PLA2G4E: variants seen among roughly 807,000 people sequenced by gnomAD.
PLA2G4E encodes cytosolic phospholipase A2 epsilon.
A neutral mutation model predicts 109.1 loss-of-function variants in PLA2G4E; 84 were observed. That is an observed-to-expected ratio of 0.77 (90% CI 0.65 to 0.92). PLA2G4E has a LOEUF of 0.92. Among genes scored for constraint, PLA2G4E ranks in the 40% least tolerant of loss-of-function variants. The pLI, the probability that PLA2G4E is intolerant of heterozygous loss-of-function variation, is 0.00. For missense variants in PLA2G4E, 1,057 were observed against 1,076.6 expected, an observed-to-expected ratio of 0.98 and a Z score of 0.25; for synonymous variants, 469 against 436.1, an observed-to-expected ratio of 1.08 and a Z score of -0.94.
chr15:42,004,763 T>C (rs141190730), intron 5 of PLA2G4E, among the ~76,000 whole-genome samples, 175 bp downstream of exon 5: 196 of 152,282 alleles, frequency 1.3e-3, no homozygotes, highest in African/African-American at 4.6e-3. Flanking sequence ...GCTCCTACAC[T>C]ATGGAGAAGC....
chr15:41,995,422 C>T, exon 12 of PLA2G4E: 1 of 1,613,960 alleles, frequency 6.2e-7, no homozygotes, highest in Non-Finnish European at 8.5e-7. Context: ...GCTTCTGCAG[C>T]CCCAGCAGGT....
chr15:42,046,191 C>CA (rs1270625479), intron 1 of PLA2G4E, among the ~76,000 whole-genome samples: 1 of 152,202 alleles, frequency 6.6e-6, no homozygotes, highest in East Asian at 1.9e-4. Context: ...CTCTGGCCCC[C>CA]AGGAAATCCA....
intron 12 of PLA2G4E, among the ~76,000 whole-genome samples, chr15:41,994,011 C>T (rs1490436101): frequency 1.3e-5 from 2 of 152,118 alleles, no homozygotes; most frequent in African/African-American, 4.8e-5. Context: ...ACGCAGGTGC[C>T]CCTCAACCTG....
chr15:42,047,659 T>A (rs1181425124), intron 1 of PLA2G4E, among the ~76,000 whole-genome samples: 1 of 152,196 alleles, frequency 6.6e-6, no homozygotes, highest in East Asian at 1.9e-4. Flanking sequence ...TGTTACCCAG[T>A]GTGCACACAT....
At chr15:42,042,069 G>C (rs1322156896) in intron 1 of PLA2G4E, among the ~76,000 whole-genome samples, 1 of 152,028 alleles carries the variant, frequency 6.6e-6, no homozygotes, top group Non-Finnish European at 1.5e-5. Flanking sequence ...CATTTTCTAG[G>C]CTTTTGGGTG....
At chr15:42,038,482 T>G (rs1889256752) in intron 1 of PLA2G4E, among the ~76,000 whole-genome samples, 1 of 152,214 alleles carries the variant, frequency 6.6e-6, no homozygotes, top group Admixed American at 6.5e-5. Context: ...CATTAGATTC[T>G]CACAAGGAGC....
intron 1 of PLA2G4E, among the ~76,000 whole-genome samples, chr15:42,044,143 A>G (rs1889368010): frequency 6.6e-6 from 1 of 152,174 alleles, no homozygotes; most frequent in Non-Finnish European, 1.5e-5. Flanking sequence ...GGAAGCTTCT[A>G]GTGAAGTAGC....
intron 3 of PLA2G4E, 71 bp downstream of exon 3, chr15:42,007,658 G>A: frequency 1.3e-6 from 2 of 1,520,760 alleles, no homozygotes; most frequent in Middle Eastern, 1.7e-4. Context: ...CAGAGGCAAA[G>A]AGAAGGACAA....
chr15:41,986,901 A>G (rs1000084664), intron 17 of PLA2G4E: 2 of 481,674 alleles, frequency 4.2e-6, no homozygotes, highest in African/African-American at 3.9e-5. Context: ...CATGGGGCCA[A>G]CTTCTACCTG....
At chr15:41,983,515 A>G (rs1169976590) in exon 20 of PLA2G4E, 11 of 529,660 alleles carry the variant, frequency 2.1e-5, no homozygotes, top group Non-Finnish European at 3.4e-6. Context: ...CACCTTCTCT[A>G]TAGGGAAGCA....
At position 42,005,978 on chromosome 15, in the gene PLA2G4E, C is replaced by A; in HGVS notation, c.525+12G>T. 3 of 1,613,420 alleles carry A rather than the reference C, an allele frequency of 1.9e-6. No individual in the cohort carries two copies. The South Asian group carries it at 3.3e-5, about 18-fold the overall frequency. ...TGAAGCCGGAGTCTGAGGGCCTGTA[C>A]CCTGCACCCACCTGCGGGTTGAGTG... On this transcript the variant is annotated intron_variant, in intron 4 of 19. Coordinates refer to ENST00000399518, the Ensembl canonical transcript of PLA2G4E.
At chr15:42,045,632 T>C (rs1217569294) in intron 1 of PLA2G4E, among the ~76,000 whole-genome samples, 3 of 152,164 alleles carry the variant, frequency 2.0e-5, no homozygotes, top group Non-Finnish European at 2.9e-5. Context: ...CATGGGTTGC[T>C]TCCAGCCTCA....
Position 41,985,828 on chromosome 15 carries a change from T to C in PLA2G4E, c.2202+11A>G, listed in dbSNP as rs765275970. 12 of 1,605,658 alleles carry C rather than the reference T, an allele frequency of 7.5e-6. No homozygotes were observed. The Admixed American group carries it at 2.0e-4, about 27-fold the overall frequency. On this transcript the variant is annotated intron_variant, in intron 18 of 19. Transcript: ENST00000399518. The stretch of plus-strand genomic sequence containing the variant: ...TGCAGCCCATGCTCAGGAGGGAGGC[T>C]GCGCACTTGCCTTTGTCTGGGACCC...
chr15:42,007,135 G>A (rs556637313), intron 3 of PLA2G4E, among the ~76,000 whole-genome samples: 36 of 152,334 alleles, frequency 2.4e-4, no homozygotes, highest in African/African-American at 8.7e-4. Context: ...TGGGGCTGAT[G>A]CCACTATGAT....
chr15:42,047,500 C>T (rs574725266), intron 1 of PLA2G4E, among the ~76,000 whole-genome samples: 10 of 152,308 alleles, frequency 6.6e-5, no homozygotes, highest in South Asian at 2.1e-4. Flanking sequence ...GCCTCATGAC[C>T]GAATCCCCTC....
chr15:42,010,141 C>CCCCCG, intron 2 of PLA2G4E: 1 of 486,060 alleles, frequency 2.1e-6, no homozygotes, highest in South Asian at 1.8e-5. Flanking sequence ...GGCCCCCCCA[C>CCCCCG]CCCGGGCCTG....
chr15:42,006,230 G>A, intron 3 of PLA2G4E, 109 bp from the exon 4 acceptor site: 1 of 1,403,008 alleles, frequency 7.1e-7, no homozygotes, highest in Non-Finnish European at 9.8e-7. Flanking sequence ...TGGGGGATGG[G>A]AGACAGCCCA....
At chr15:41,982,125 C>T (rs901148954) in exon 20 of PLA2G4E, 11 of 152,182 alleles carry the variant, frequency 7.2e-5, no homozygotes, top group Admixed American at 5.9e-4. Flanking sequence ...CTTTTGGTAC[C>T]TGTCACCACT....
chr15:42,045,060 G>A lies in PLA2G4E; in HGVS notation c.183+5461C>T, dbSNP rs571949312. Among the ~76,000 whole-genome samples the A allele has an allele frequency of 3.4e-4, 52 of 152,270 alleles. No individual in the cohort carries two copies. In the East Asian group the frequency reaches 9.8e-3, roughly 29 times the overall value. On this transcript the variant is annotated intron_variant, in intron 1 of 19. Transcript: ENST00000399518. Reference sequence around the variant, plus strand: ...AGATTAGATATGAGGGCATCCAGTGGGCTCCAGTGACCCAGCAGGTGAAGG... The same window carrying A: ...AGATTAGATATGAGGGCATCCAGTGAGCTCCAGTGACCCAGCAGGTGAAGG...
Sources: allele counts gnomAD v4.1 joint callset (sites outside exome capture counted in the v4.1 genomes callset), GRCh38; gene constraint gnomAD v4.1.1; transcripts MANE v1.5; gene names NCBI Gene and HGNC (gene_info 2026-07-23, HGNC 2026-07-21).